The following LDAH variants were observed in gnomAD, a reference collection of about 807,000 sequenced individuals.
The protein encoded by LDAH is lipid droplet-associated hydrolase.
LDAH carries 26 observed loss-of-function variants against 29.6 expected under a neutral mutation model. The observed-to-expected ratio is 0.88, with a 90% CI of 0.64 to 1.22. LDAH has a LOEUF of 1.22. Among genes scored for constraint, LDAH ranks in the 50% most tolerant of loss-of-function variants. The pLI is 0.00. For missense variants in LDAH, 344 were observed against 387.3 expected, an observed-to-expected ratio of 0.89 and a Z score of 0.94; for synonymous variants, 117 against 133.0, an observed-to-expected ratio of 0.88 and a Z score of 0.83.
chr2:20,690,144 G>A lies in LDAH; in HGVS notation c.787-3050C>T, dbSNP rs139603837. ...TCAGCACTGAGCAAACACCATCCCC[G>A]TACATGCAGTTAAGGCAGTGATTTG... On this transcript the variant is annotated intron_variant, in intron 6 of 6. Coordinates refer to ENST00000237822, the MANE Select transcript of LDAH (RefSeq NM_021925.4). Among the ~76,000 whole-genome samples the A allele has an allele frequency of 7.4e-3, 1,128 of 152,218 alleles. 16 individuals carry two copies. The highest frequency in any genetic ancestry group is 0.025 in the African/African-American group (1,033 of 41,518).
chr2:20,710,585 G>GGTGTGT lies in LDAH; in HGVS notation c.704-8939_704-8934dup, dbSNP rs376841719. On this transcript the variant is annotated intron_variant, in intron 5 of 6. Transcript: ENST00000237822. The stretch of plus-strand genomic sequence containing the variant: ...TCACCCCGGACTATATATATATAGG[G>GGTGTGT]GTGTGTGTGTGTGTGTGTGTGTATA... Among the ~76,000 whole-genome samples, 246 of 114,540 alleles carry GGTGTGT rather than the reference G, an allele frequency of 2.1e-3. 1 individual carries two copies. The highest frequency in any genetic ancestry group is 5.3e-3 in the African/African-American group (175 of 32,794). The allele number at this position is 114,540 out of a possible 152,430, so 75.1% of individuals were successfully genotyped here.
chr2:20,817,912 A>G (rs892472832), intron 1 of LDAH, among the ~76,000 whole-genome samples: 4 of 152,186 alleles, frequency 2.6e-5, no homozygotes, highest in Non-Finnish European at 5.9e-5. Context: ...TATCCTTGAA[A>G]TGACAAAATT....
At chr2:20,788,279 C>T (rs1049954268) in intron 3 of LDAH, among the ~76,000 whole-genome samples, 6 of 152,128 alleles carry the variant, frequency 3.9e-5, no homozygotes, top group Admixed American at 1.3e-4. Flanking sequence ...GTTTATCTGA[C>T]GTGCAACATT....
intron 1 of LDAH, among the ~76,000 whole-genome samples, chr2:20,815,240 G>C (rs1021286245): frequency 6.6e-6 from 1 of 152,034 alleles, no homozygotes; most frequent in Non-Finnish European, 1.5e-5. Context: ...AATTTACTTA[G>C]TCTGAACACA....
At position 20,778,347 on chromosome 2, in the gene LDAH, ATAGT is replaced by A. The variant is rs552370384; in HGVS notation, c.299-3372_299-3369del. The stretch of plus-strand genomic sequence containing the variant: ...AAAGGTACACACAACTTGTTCTGAA[ATAGT>A]TAGTAGAGAAATTAAATAATATCAG... On this transcript the variant is annotated intron_variant, in intron 3 of 6. Coordinates refer to ENST00000237822, the MANE Select transcript of LDAH (RefSeq NM_021925.4). 6.6e-5 allele frequency among the ~76,000 whole-genome samples: 10 copies of A among 152,342 alleles called. No homozygotes were observed. The East Asian group carries it at 7.7e-4, about 12-fold the overall frequency.
At position 20,795,508 on chromosome 2, in the gene LDAH, T is replaced by G. The variant is rs182732141; in HGVS notation, c.155-5110A>C. Among the ~76,000 whole-genome samples, 220 of 152,288 alleles carry G rather than the reference T, an allele frequency of 1.4e-3. 2 individuals are homozygous for G. The highest frequency in any genetic ancestry group is 5.1e-3 in the African/African-American group (210 of 41,560). On this transcript the variant is annotated intron_variant, in intron 2 of 6. Transcript: ENST00000237822. ...ATTCAGTGTACTCTATGGTGAGTTC[T>G]CAATCTGATTCCCTTTGTTCATCTC...
intron 3 of LDAH, among the ~76,000 whole-genome samples, chr2:20,776,072 A>G (rs1200867276): frequency 6.6e-6 from 1 of 152,138 alleles, no homozygotes; most frequent in Non-Finnish European, 1.5e-5. Flanking sequence ...TCAAAATATC[A>G]CAAGACAGTC....
At position 20,686,878 on chromosome 2, in the gene LDAH, G is replaced by A; in HGVS notation, c.*25C>T. 1 of 1,599,454 alleles carries A rather than the reference G, an allele frequency of 6.3e-7. No homozygotes were observed. Among genetic ancestry groups the A allele is most frequent in the Non-Finnish European group, 8.5e-7 (1 of 1,170,566 alleles). On this transcript the variant is annotated 3_prime_UTR_variant, in exon 7 of 7. Coordinates refer to ENST00000237822, the MANE Select transcript of LDAH (RefSeq NM_021925.4). ...CACTGACTGCCTCCATGTACTGGCA[G>A]TGGGGGCTTGTTCCTCAGGCCAATT...
Position 20,725,220 on chromosome 2 carries a change from TG to T in LDAH, c.703+14750del, listed in dbSNP as rs538018072. 1.3e-5 allele frequency among the ~76,000 whole-genome samples: 2 copies of T among 152,082 alleles called. 1 individual carries two copies. Among genetic ancestry groups the T allele is most frequent in the South Asian group, 4.1e-4 (2 of 4,824 alleles). ...GGCTTTGGTAGATTCAGCACCATGA[TG>T]GGGGGTGGCTGAGGAGAATAATCAT... is the stretch of plus-strand genomic sequence containing the variant. On this transcript the variant is annotated intron_variant, in intron 5 of 6. Coordinates refer to ENST00000237822, the MANE Select transcript of LDAH (RefSeq NM_021925.4).
intron 3 of LDAH, chr2:20,788,811 G>A: frequency 3.9e-6 from 1 of 259,256 alleles, no homozygotes; most frequent in South Asian, 4.2e-5. Context: ...TCTTGGATAT[G>A]CTGTACTTTT....
At chr2:20,737,255 G>T (rs1400257443) in intron 5 of LDAH, among the ~76,000 whole-genome samples, 1 of 152,110 alleles carries the variant, frequency 6.6e-6, no homozygotes, top group African/African-American at 2.4e-5. Flanking sequence ...TCTTCTTGAT[G>T]TTGTTTTATA....
rs186048243 is a variant in LDAH, at chr2:20,787,143, G to A, written c.298+3112C>T. Among the ~76,000 whole-genome samples, 403 of 152,242 alleles carry A rather than the reference G, an allele frequency of 2.6e-3. 3 individuals carry two copies. Among genetic ancestry groups the A allele is most frequent in the Non-Finnish European group, 3.6e-3 (244 of 68,008 alleles). ...TTTATGTATTCTACACTTATGTAGT[G>A]TATTCTACATAAACGGCACTAGTGT... On this transcript the variant is annotated intron_variant, in intron 3 of 6. Transcript: ENST00000237822.
intron 5 of LDAH, among the ~76,000 whole-genome samples, chr2:20,736,620 G>A (rs1399038797): frequency 1.3e-5 from 2 of 152,070 alleles, no homozygotes; most frequent in African/African-American, 4.8e-5. Context: ...TAAAAATGGA[G>A]AAGTTCCCTT....
rs1392335498 is a variant in LDAH, at chr2:20,704,775, T to C, written c.704-3123A>G. 2.6e-5 allele frequency among the ~76,000 whole-genome samples: 4 copies of C among 152,248 alleles called. No individual in the cohort carries two copies. In the East Asian group the frequency reaches 7.7e-4, roughly 29 times the overall value. On this transcript the variant is annotated intron_variant, in intron 5 of 6. Coordinates refer to ENST00000237822, the MANE Select transcript of LDAH (RefSeq NM_021925.4). Reference sequence around the variant, plus strand: ...CATCATTTTGTCTTTCCTAGAATTATTTGTTGCCTTTACTTGATTTTCTTT... The same window carrying C: ...CATCATTTTGTCTTTCCTAGAATTACTTGTTGCCTTTACTTGATTTTCTTT...
At chr2:20,814,482 A>T (rs1672720899) in intron 1 of LDAH, among the ~76,000 whole-genome samples, 1 of 152,078 alleles carries the variant, frequency 6.6e-6, no homozygotes, top group South Asian at 2.1e-4. Context: ...TATTTTTGAG[A>T]TAGGATCTCA....
At chr2:20,683,143 C>G (rs370965914), downstream of LDAH, among the ~76,000 whole-genome samples, 5 of 152,160 alleles carry the variant, frequency 3.3e-5, no homozygotes, top group Non-Finnish European at 7.4e-5. Context: ...GCATCACACT[C>G]AGTGACGCCG....
At chr2:20,732,472 T>C (rs902469053) in intron 5 of LDAH, among the ~76,000 whole-genome samples, 1 of 152,282 alleles carries the variant, frequency 6.6e-6, no homozygotes, top group Admixed American at 6.5e-5. Context: ...AGTATTTCTT[T>C]AAACATTAGG....
intron 6 of LDAH, among the ~76,000 whole-genome samples, chr2:20,693,551 C>G (rs1281738123): frequency 1.3e-5 from 2 of 152,080 alleles, no homozygotes; most frequent in Non-Finnish European, 2.9e-5. Context: ...GAAGCACATC[C>G]CTATCCTCAA....
rs1339841925 is a variant in LDAH at position 20,763,165 on chromosome 2, GTC to G, written c.468+11643_468+11644del. 3.3e-5 allele frequency among the ~76,000 whole-genome samples: 5 copies of G among 152,318 alleles called. No individual in the cohort carries two copies. In the East Asian group the frequency reaches 9.6e-4, roughly 29 times the overall value. ...GATATCAGCACATTTACTCAAGGGA[GTC>G]TCTGTGTTTATGGACAACGTCATAG... is the stretch of plus-strand genomic sequence containing the variant. On this transcript the variant is annotated intron_variant, in intron 4 of 6. Transcript: ENST00000237822.
Sources: gnomAD v4.1 joint callset for allele counts (sites outside exome capture counted in the v4.1 genomes callset) on GRCh38, gnomAD v4.1.1 for gene constraint, MANE v1.5 for transcripts, NCBI Gene and HGNC (gene_info 2026-07-23, HGNC 2026-07-21) for gene names.